USP54: variants seen among roughly 807,000 people sequenced by gnomAD.
The protein encoded by USP54 is ubiquitin specific peptidase 54.
A neutral mutation model predicts 170.5 loss-of-function variants in USP54; 87 were observed. The ratio of observed to expected loss-of-function variants is 0.51; its 90% CI spans 0.43 to 0.61. The LOEUF is 0.61. Ranked by LOEUF, USP54 falls within the 20% of genes least tolerant of loss-of-function variation. USP54 has a pLI of 0.00. For synonymous variants in USP54, 655 were observed against 742.8 expected (o/e 0.88, Z 1.92); for missense variants, 1,786 against 2,047.8 (o/e 0.87, Z 2.47).
At position 73,521,034 on chromosome 10, in the gene USP54, G is replaced by A; in HGVS notation, c.2363-7C>T. On this transcript the variant is annotated splice_polypyrimidine_tract_variant and splice_region_variant and intron_variant, in intron 17 of 23. Coordinates refer to ENST00000687698, the MANE Select transcript of USP54 (RefSeq NM_001391956.1). ...TCAAAGCCGTCACTCCTCCCTGAAA[G>A]GGCCAGCACTTTTCATTTTCATTAC... 2 of 1,613,530 alleles carry A rather than the reference G, an allele frequency of 1.2e-6. No homozygotes were observed. The highest frequency in any genetic ancestry group is 1.7e-6 in the Non-Finnish European group (2 of 1,180,018).
Position 73,583,418 on chromosome 10 carries a change from T to C in USP54, c.-581-7057A>G, listed in dbSNP as rs2395052. Among the ~76,000 whole-genome samples, 787 of 152,292 alleles carry C rather than the reference T, an allele frequency of 5.2e-3. 24 individuals carry two copies. The East Asian group carries it at 0.065, about 13-fold the overall frequency. Reference sequence around the variant, plus strand: ...CTCCTGCCTCAGCCTCTGGAGTAGCTGGGATTACAGGCGCCTGCCACCACG... The same window carrying C: ...CTCCTGCCTCAGCCTCTGGAGTAGCCGGGATTACAGGCGCCTGCCACCACG... On this transcript the variant is annotated intron_variant, in intron 1 of 23. Transcript: ENST00000687698.
chr10:73,606,984 G>T (rs140914060), intron 1 of USP54, among the ~76,000 whole-genome samples: 318 of 151,810 alleles, frequency 2.1e-3, no homozygotes, highest in African/African-American at 7.2e-3. Context: ...TATGTTCAGG[G>T]CAGCTAATAT....
intron 20 of USP54, chr10:73,515,725 C>T (rs571748241): frequency 6.6e-6 from 1 of 151,998 alleles, no homozygotes; most frequent in Non-Finnish European, 1.5e-5. Context: ...TTCCTCTCAG[C>T]CTCCCTCCAT....
chr10:73,617,998 G>C (rs1041016935), intron 1 of USP54, among the ~76,000 whole-genome samples: 2 of 150,352 alleles, frequency 1.3e-5, no homozygotes, highest in Non-Finnish European at 2.9e-5. Flanking sequence ...ATCATCTGAG[G>C]TCAGGAGTTC....
chr10:73,538,503 AAGG>A (rs2065796115), intron 10 of USP54: 1 of 152,106 alleles, frequency 6.6e-6, no homozygotes, highest in Admixed American at 6.6e-5. Context: ...GAAAAAAAAA[AAGG>A]AGATTATAGT....
Position 73,538,786 on chromosome 10 carries a change from T to C in USP54, c.975+658A>G, listed in dbSNP as rs556635684. Among the ~76,000 whole-genome samples, 152 of 152,256 alleles carry C rather than the reference T, an allele frequency of 1.0e-3. 1 individual carries two copies. The highest frequency in any genetic ancestry group is 1.3e-3 in the Non-Finnish European group (90 of 68,030). On this transcript the variant is annotated intron_variant, in intron 10 of 23. Coordinates refer to ENST00000687698, the MANE Select transcript of USP54 (RefSeq NM_001391956.1). Reference sequence around the variant, plus strand: ...ATTATCACGCCCCTGCACTCCAGCCTGGGCAATAGAGTGAGGAAACCCTAT... The same window carrying C: ...ATTATCACGCCCCTGCACTCCAGCCCGGGCAATAGAGTGAGGAAACCCTAT...
chr10:73,594,139 C>T (rs1265333271), upstream of USP54, among the ~76,000 whole-genome samples: 2 of 151,714 alleles, frequency 1.3e-5, no homozygotes, highest in East Asian at 1.9e-4. Context: ...GACACGATCT[C>T]GGTTCACTGC....
At chr10:73,600,812 G>A (rs973528530) in intron 1 of USP54, among the ~76,000 whole-genome samples, 1 of 152,200 alleles carries the variant, frequency 6.6e-6, no homozygotes, top group Admixed American at 6.5e-5. Flanking sequence ...TACTCAGGAG[G>A]CCGAGGCAGG....
intron 7 of USP54, among the ~76,000 whole-genome samples, 169 bp downstream of exon 7, chr10:73,542,634 G>A (rs1371624373): frequency 6.6e-6 from 1 of 152,010 alleles, no homozygotes; most frequent in Non-Finnish European, 1.5e-5. Flanking sequence ...GGGAGATGGA[G>A]GCAGGAGAAT....
intron 4 of USP54, among the ~76,000 whole-genome samples, chr10:73,557,899 T>C (rs1279122561): frequency 6.8e-5 from 10 of 148,130 alleles, no homozygotes; most frequent in African/African-American, 2.3e-4. Flanking sequence ...TTTTTTTTTT[T>C]TGAGATGGAG....
intron 1 of USP54, among the ~76,000 whole-genome samples, chr10:73,617,543 C>A (rs2080740835): frequency 6.7e-6 from 1 of 149,980 alleles, no homozygotes; most frequent in African/African-American, 2.5e-5. Flanking sequence ...AAAATGAGAT[C>A]ACTTGGCCAG....
chr10:73,584,186 G>A (rs188705621), intron 1 of USP54, among the ~76,000 whole-genome samples: 4 of 152,256 alleles, frequency 2.6e-5, no homozygotes, highest in East Asian at 1.9e-4. Flanking sequence ...TCAGGAGCTC[G>A]AGACCAGTCT....
At chr10:73,506,667 A>T (rs930950899) in intron 20 of USP54, 6 of 152,122 alleles carry the variant, frequency 3.9e-5, no homozygotes, top group Non-Finnish European at 8.8e-5. Flanking sequence ...AACTTTTAAA[A>T]ATATAGCTTC....
At chr10:73,602,855 CAAAAAAAAAAA>C (rs60433926) in intron 1 of USP54, among the ~76,000 whole-genome samples, 9 of 41,428 alleles carry the variant, frequency 2.2e-4, no homozygotes, top group African/African-American at 5.4e-4. Context: ...GACTCTGTCT[CAAAAAAAAAAA>C]AAAAAAAAAA....
At chr10:73,609,588 G>A (rs1179662795) in intron 1 of USP54, among the ~76,000 whole-genome samples, 1 of 151,976 alleles carries the variant, frequency 6.6e-6, no homozygotes, top group Non-Finnish European at 1.5e-5. Context: ...GCTCCTGCCT[G>A]TAATCCCAGC....
chr10:73,509,439 CAA>C (rs1229372512), intron 20 of USP54, among the ~76,000 whole-genome samples: 8 of 106,746 alleles, frequency 7.5e-5, no homozygotes, highest in Admixed American at 1.0e-4. Context: ...CTGTCTCTAC[CAA>C]AAAAAAAAAA....
At chr10:73,543,191 T>C (rs1041137242) in intron 5 of USP54, 60 bp from the exon 6 acceptor site, 2 of 1,235,968 alleles carry the variant, frequency 1.6e-6, no homozygotes, top group African/African-American at 1.5e-5. Flanking sequence ...ATACATAAAT[T>C]GGTAAGCAGC....
intron 1 of USP54, among the ~76,000 whole-genome samples, chr10:73,616,222 T>C (rs2080620175): frequency 6.8e-6 from 1 of 146,364 alleles, no homozygotes; most frequent in African/African-American, 2.7e-5. Context: ...CCTGTAATGC[T>C]AGCTACTTGG....
At chr10:73,580,851 T>C (rs919958889) in intron 1 of USP54, among the ~76,000 whole-genome samples, 4 of 152,216 alleles carry the variant, frequency 2.6e-5, no homozygotes, top group Non-Finnish European at 5.9e-5. Flanking sequence ...AGTGCTGGGA[T>C]TACAGGTGTG....
Sources: gnomAD v4.1 joint callset for allele counts (sites outside exome capture counted in the v4.1 genomes callset) on GRCh38, gnomAD v4.1.1 for gene constraint, MANE v1.5 for transcripts, NCBI Gene and HGNC (gene_info 2026-07-23, HGNC 2026-07-21) for gene names.